Variants in COLGALT2 observed in about 807,000 individuals in gnomAD.
COLGALT2 encodes the protein collagen beta(1-O)galactosyltransferase 2, also known as procollagen galactosyltransferase 2.
COLGALT2 carries 49 observed loss-of-function variants against 73.4 expected under a neutral mutation model. The observed-to-expected ratio is 0.67, with a 90% confidence interval of 0.53 to 0.85. The LOEUF (loss-of-function observed/expected upper bound fraction) is 0.85. COLGALT2 is among the 40% of genes least tolerant of loss of function. COLGALT2 has a pLI of 0.00. For synonymous variants in COLGALT2, 295 were observed against 307.6 expected (o/e 0.96, Z 0.43); for missense variants, 722 against 790.2 (o/e 0.91, Z 1.03).
In COLGALT2 at chr1:183,936,125, A is replaced by G; in HGVS notation, c.*2636T>C. The G allele has an allele frequency of 4.1e-6, 4 of 985,704 alleles. No individual in the cohort carries two copies. Among genetic ancestry groups the G allele is most frequent in the Non-Finnish European group, 4.8e-6 (4 of 830,150 alleles). 61.1% of individuals were successfully genotyped at this position (985,704 alleles called of 1,614,324 possible). ...GTTAGATCCCAAGAGAAATCCAGAC[A>G]GGGTTTAGCCTCCAGAGGCAGAGAG... On this transcript the variant is annotated 3_prime_UTR_variant, in exon 12 of 12. Coordinates refer to ENST00000361927, the MANE Select transcript of COLGALT2 (RefSeq NM_015101.4).
In COLGALT2 at chr1:184,027,050, A is replaced by T. The variant is rs577008521; in HGVS notation, c.263+10045T>A. On this transcript the variant is annotated intron_variant, in intron 1 of 11. Coordinates refer to ENST00000361927, the MANE Select transcript of COLGALT2 (RefSeq NM_015101.4). ...GCATTGTCTTTTAAAAAATCTTTTT[A>T]AAAAAATAGTCACTATTAGATGGAG... 1.8e-4 allele frequency among the ~76,000 whole-genome samples: 27 copies of T among 152,258 alleles called. 1 individual carries two copies. The highest frequency in any genetic ancestry group is 5.8e-4 in the African/African-American group (24 of 41,540).
chr1:183,935,837 G>A lies in COLGALT2; in HGVS notation c.*2924C>T. The A allele has an allele frequency of 1.0e-6, 1 of 984,992 alleles. No homozygotes were observed. Among genetic ancestry groups the A allele is most frequent in the Non-Finnish European group, 1.2e-6 (1 of 829,582 alleles). 61.0% of individuals were successfully genotyped at this position (984,992 alleles called of 1,614,324 possible). ...GGAAGCAATTGACAATCATATCTTT[G>A]AGCTAAGTTTTTTTTTAATTTTTCA... is the stretch of plus-strand genomic sequence containing the variant. On this transcript the variant is annotated 3_prime_UTR_variant, in exon 12 of 12. Coordinates refer to ENST00000361927, the MANE Select transcript of COLGALT2 (RefSeq NM_015101.4).
chr1:183,992,092 A>G (rs573355771), intron 1 of COLGALT2, among the ~76,000 whole-genome samples: 14 of 152,344 alleles, frequency 9.2e-5, no homozygotes, highest in African/African-American at 3.1e-4. Flanking sequence ...CTGGCCAGGC[A>G]TTGACCTAGA....
intron 9 of COLGALT2, among the ~76,000 whole-genome samples, chr1:183,945,099 G>A (rs947920302): frequency 3.3e-5 from 5 of 152,190 alleles, no homozygotes; most frequent in African/African-American, 4.8e-5. Flanking sequence ...CATGACTTCT[G>A]TGTGATTTCT....
At position 183,936,954 on chromosome 1, in the gene COLGALT2, G is replaced by A; in HGVS notation, c.*1807C>T. ...TGGGGACCCGCCCCTCACCTGGGGA[G>A]ATGAGGCTGCCTTGACTACCTATTT... On this transcript the variant is annotated 3_prime_UTR_variant, in exon 12 of 12. Transcript: ENST00000361927. The A allele has an allele frequency of 8.1e-7, 1 of 1,231,762 alleles. No homozygotes were observed. The highest frequency in any genetic ancestry group is 1.0e-6 in the Non-Finnish European group (1 of 987,974). The allele number at this position is 1,231,762 out of a possible 1,614,324, so 76.3% of individuals were successfully genotyped here.
At chr1:184,033,804 C>T (rs1572690895) in intron 1 of COLGALT2, among the ~76,000 whole-genome samples, 1 of 152,302 alleles carries the variant, frequency 6.6e-6, no homozygotes, top group East Asian at 1.9e-4. Context: ...TCAGATGCTC[C>T]TCTAGCCTGT....
intron 1 of COLGALT2, among the ~76,000 whole-genome samples, chr1:184,028,172 G>C (rs915081143): frequency 5.9e-5 from 9 of 152,152 alleles, no homozygotes; most frequent in Admixed American, 4.6e-4. Flanking sequence ...TCCAGCAAGG[G>C]ACTCCGTGTC....
At position 183,936,860 on chromosome 1, in the gene COLGALT2, C is replaced by G; in HGVS notation, c.*1901G>C. The stretch of plus-strand genomic sequence containing the variant: ...CTTGCTGGTCAGTGTAGAAGGGTAC[C>G]CACAGTGAGTCGGGAAGGAAGGCCG... On this transcript the variant is annotated 3_prime_UTR_variant, in exon 12 of 12. Coordinates refer to ENST00000361927, the MANE Select transcript of COLGALT2 (RefSeq NM_015101.4). 1 of 1,231,702 alleles carries G rather than the reference C, an allele frequency of 8.1e-7. No individual in the cohort carries two copies. Among genetic ancestry groups the G allele is most frequent in the Non-Finnish European group, 1.0e-6 (1 of 988,010 alleles). The allele number at this position is 1,231,702 out of a possible 1,614,324, so 76.3% of individuals were successfully genotyped here.
At chr1:184,001,301 A>G (rs1671918919) in intron 1 of COLGALT2, among the ~76,000 whole-genome samples, 1 of 152,170 alleles carries the variant, frequency 6.6e-6, no homozygotes, top group Admixed American at 6.5e-5. Context: ...ACTATGATGC[A>G]TCAAGTTGTG....
At chr1:183,965,051 G>A (rs1319496839) in intron 5 of COLGALT2, among the ~76,000 whole-genome samples, 1 of 152,218 alleles carries the variant, frequency 6.6e-6, no homozygotes, top group African/African-American at 2.4e-5. Flanking sequence ...CATTAACAGA[G>A]AGGAAGGAGA....
intron 1 of COLGALT2, among the ~76,000 whole-genome samples, chr1:184,018,262 CCT>C (rs1302515097): frequency 1.0e-5 from 1 of 99,870 alleles, no homozygotes; most frequent in Non-Finnish European, 1.8e-5. Flanking sequence ...ACAGTGAGGC[CCT>C]GTTTCAAAAA....
chr1:184,030,113 G>A (rs1046886567), intron 1 of COLGALT2, among the ~76,000 whole-genome samples: 2 of 152,110 alleles, frequency 1.3e-5, no homozygotes, highest in Non-Finnish European at 2.9e-5. Flanking sequence ...ATTTAAAAAA[G>A]TCAGAAGAGC....
intron 1 of COLGALT2, among the ~76,000 whole-genome samples, chr1:183,990,526 T>C (rs921872603): frequency 6.6e-6 from 1 of 152,222 alleles, no homozygotes; most frequent in Admixed American, 6.5e-5. Context: ...ATGACATTGT[T>C]GACGATGGAT....
At position 183,976,373 on chromosome 1, in the gene COLGALT2, T is replaced by C. The variant is rs548099285; in HGVS notation, c.375-1159A>G. 7.1e-4 allele frequency among the ~76,000 whole-genome samples: 106 copies of C among 148,510 alleles called. 1 individual carries two copies. Among genetic ancestry groups the C allele is most frequent in the African/African-American group, 2.5e-3 (104 of 40,966 alleles). The stretch of plus-strand genomic sequence containing the variant: ...TATATTATATCATATTTATATATAT[T>C]TCTTTATAATATAAATATTTATAAT... On this transcript the variant is annotated intron_variant, in intron 2 of 11. Transcript: ENST00000361927.
chr1:184,011,024 G>A (rs1465411863), intron 1 of COLGALT2, among the ~76,000 whole-genome samples: 1 of 152,166 alleles, frequency 6.6e-6, no homozygotes, highest in African/African-American at 2.4e-5. Flanking sequence ...CTCAGTGAGG[G>A]ACTCTGAATG....
At chr1:184,028,579 C>A (rs574723669) in intron 1 of COLGALT2, among the ~76,000 whole-genome samples, 3 of 152,198 alleles carry the variant, frequency 2.0e-5, no homozygotes, top group African/African-American at 7.2e-5. Flanking sequence ...CCTGATGTAT[C>A]CCTCAATAGG....
chr1:183,937,228 C>G lies in COLGALT2; in HGVS notation c.*1533G>C. On this transcript the variant is annotated 3_prime_UTR_variant, in exon 12 of 12. Transcript: ENST00000361927. ...GGGGTGTGCACGGCCCCCCATATGG[C>G]TGCATGGTGCATGGACAGTGATGAG... The G allele has an allele frequency of 8.3e-7, 1 of 1,208,968 alleles. No individual in the cohort carries two copies. Among genetic ancestry groups the G allele is most frequent in the East Asian group, 3.4e-5 (1 of 29,776 alleles). 74.9% of individuals were successfully genotyped at this position (1,208,968 alleles called of 1,614,324 possible). A position where few individuals can be genotyped will look rare whatever the true frequency, so the allele number is the denominator to read the frequency against.
intron 1 of COLGALT2, among the ~76,000 whole-genome samples, chr1:183,989,946 C>T (rs1357620983): frequency 6.6e-6 from 1 of 152,202 alleles, no homozygotes; most frequent in Non-Finnish European, 1.5e-5. Context: ...CCCCAACACA[C>T]ACACAGATCC....
At position 183,939,186 on chromosome 1, in the gene COLGALT2, C is replaced by T. The variant is rs1670044219; in HGVS notation, c.1605-149G>A. ...TTTGTGAAAAACTTTAGCCTACAAA[C>T]ACAAATATTTCTTTAAAAGCTTTCC... is the stretch of plus-strand genomic sequence containing the variant. On this transcript the variant is annotated intron_variant, in intron 11 of 11. Transcript: ENST00000361927. 9.5e-6 allele frequency: 6 copies of T among 629,798 alleles called. No individual in the cohort carries two copies. The East Asian group carries it at 1.7e-4, about 17-fold the overall frequency. The allele number at this position is 629,798 out of a possible 1,614,324, so 39.0% of individuals were successfully genotyped here. A position where few individuals can be genotyped will look rare whatever the true frequency, so the allele number is the denominator to read the frequency against.
Sources: allele counts gnomAD v4.1 joint callset (sites outside exome capture counted in the v4.1 genomes callset), GRCh38; gene constraint gnomAD v4.1.1; transcripts MANE v1.5; gene names NCBI Gene and HGNC (gene_info 2026-07-23, HGNC 2026-07-21).